WLS: variants seen among roughly 807,000 people sequenced by gnomAD.
The protein encoded by WLS is Wnt ligand secretion mediator.
A neutral mutation model predicts 62.8 loss-of-function variants in WLS; 23 were observed. The ratio of observed to expected loss-of-function variants is 0.37; its 90% CI spans 0.26 to 0.52. WLS has a LOEUF of 0.52. Among genes scored for constraint, WLS ranks in the 20% least tolerant of loss-of-function variants. WLS has a pLI of 0.92. For missense variants in WLS, 615 were observed against 697.3 expected (o/e 0.88, Z 1.33); for synonymous variants, 246 against 244.1 (o/e 1.01, Z -0.07).
At chr1:68,118,671 C>T (rs1199560351) in intron 11 of WLS, among the ~76,000 whole-genome samples, 2 of 151,426 alleles carry the variant, frequency 1.3e-5, no homozygotes, top group Admixed American at 6.6e-5. Context: ...GTCAGGAGTT[C>T]GAGACCAGCC....
intron 11 of WLS, among the ~76,000 whole-genome samples, chr1:68,103,594 T>C (rs1340916874): frequency 6.6e-6 from 1 of 152,174 alleles, no homozygotes; most frequent in African/African-American, 2.4e-5. Context: ...TCCATTTTAT[T>C]TTAAAATGGA....
chr1:68,223,688 T>C (rs1052282300), intron 1 of WLS, among the ~76,000 whole-genome samples: 4 of 152,248 alleles, frequency 2.6e-5, no homozygotes, highest in African/African-American at 9.6e-5. Context: ...TGATATTTTA[T>C]GCTTGTAGCA....
chr1:68,108,038 G>A (rs1646171604), intron 11 of WLS, among the ~76,000 whole-genome samples: 1 of 152,124 alleles, frequency 6.6e-6, no homozygotes, highest in South Asian at 2.1e-4. Flanking sequence ...GAATCAATAG[G>A]TCTTTTATTA....
chr1:68,162,592 T>C, intron 2 of WLS: 1 of 1,429,446 alleles, frequency 7.0e-7, no homozygotes, highest in Non-Finnish European at 9.9e-7. Context: ...CTCGCGGTTC[T>C]GCTCCATGCT....
intron 3 of WLS, among the ~76,000 whole-genome samples, chr1:68,158,900 C>T (rs955346618): frequency 6.6e-6 from 1 of 152,174 alleles, no homozygotes; most frequent in Non-Finnish European, 1.5e-5. Flanking sequence ...GCTTCAACCT[C>T]ATGTTTTTAC....
intron 2 of WLS, among the ~76,000 whole-genome samples, chr1:68,174,565 T>A (rs963149426): frequency 6.6e-6 from 1 of 152,176 alleles, no homozygotes; most frequent in Non-Finnish European, 1.5e-5. Flanking sequence ...CCATGACCCT[T>A]GGTGGAGCTG....
Position 68,126,470 on chromosome 1 carries a change from C to T in WLS, c.1517-135G>A, listed in dbSNP as rs1646433115. ...ACACAGAGACACCTAGGGCACACAA[C>T]ATTCAGAACAAGGACTAACTCCAAA... On this transcript the variant is annotated intron_variant, in intron 11 of 11. Transcript: ENST00000262348. The T allele has an allele frequency of 5.9e-6, 7 of 1,184,256 alleles. No homozygotes were observed. The Admixed American group carries it at 6.5e-5, about 11-fold the overall frequency. The allele number at this position is 1,184,256 out of a possible 1,614,324, so 73.4% of individuals were successfully genotyped here. A position where few individuals can be genotyped will look rare whatever the true frequency, so the allele number is the denominator to read the frequency against.
chr1:68,156,154 G>A (rs1646895868), intron 3 of WLS, among the ~76,000 whole-genome samples: 1 of 152,106 alleles, frequency 6.6e-6, no homozygotes, highest in Non-Finnish European at 1.5e-5. Flanking sequence ...GTAAAGATGA[G>A]CATAAAGAGG....
intron 11 of WLS, among the ~76,000 whole-genome samples, chr1:68,133,341 G>T (rs764280353): frequency 6.6e-6 from 1 of 152,152 alleles, no homozygotes; most frequent in African/African-American, 2.4e-5. Flanking sequence ...AGAATGTGGC[G>T]CCACACTCCC....
At chr1:68,177,711 C>G (rs530336686) in intron 2 of WLS, among the ~76,000 whole-genome samples, 13 of 152,230 alleles carry the variant, frequency 8.5e-5, no homozygotes, top group East Asian at 3.9e-4. Flanking sequence ...TCAGGCTGGT[C>G]TCGAACTCCT....
intron 1 of WLS, among the ~76,000 whole-genome samples, chr1:68,199,263 G>A (rs115902279): frequency 0.012 from 1,867 of 152,268 alleles, 26 homozygotes; most frequent in Non-Finnish European, 0.018. Flanking sequence ...AGACAGAGAC[G>A]AATGGCCTCC....
chr1:68,196,533 G>A (rs1648668416), intron 1 of WLS, among the ~76,000 whole-genome samples: 1 of 152,058 alleles, frequency 6.6e-6, no homozygotes, highest in African/African-American at 2.4e-5. Context: ...CGGGAAAAAT[G>A]TGTATTATTA....
At chr1:68,176,690 C>T (rs1204543552) in intron 2 of WLS, among the ~76,000 whole-genome samples, 1 of 152,208 alleles carries the variant, frequency 6.6e-6, no homozygotes, top group Non-Finnish European at 1.5e-5. Context: ...CCGTCCTTTG[C>T]ACATATGTTA....
At chr1:68,163,486 G>A (rs1476823731) in intron 2 of WLS, among the ~76,000 whole-genome samples, 1 of 150,788 alleles carries the variant, frequency 6.6e-6, no homozygotes, top group Non-Finnish European at 1.5e-5. Flanking sequence ...TCGCTCCTCC[G>A]GGCCGCTCCC....
intron 8 of WLS, among the ~76,000 whole-genome samples, chr1:68,147,646 C>T (rs964260377): frequency 4.6e-5 from 7 of 152,216 alleles, no homozygotes; most frequent in Admixed American, 6.5e-5. Context: ...GAAGCCTTGG[C>T]GACTTCTCTG....
chr1:68,179,362 C>T (rs1647417840), intron 2 of WLS, among the ~76,000 whole-genome samples: 2 of 152,080 alleles, frequency 1.3e-5, no homozygotes, highest in African/African-American at 4.8e-5. Context: ...CACTCCATAG[C>T]CCTGTCAATA....
At chr1:68,098,873 T>A in intron 11 of WLS, 2 of 1,406,002 alleles carry the variant, frequency 1.4e-6, no homozygotes, top group Non-Finnish European at 1.9e-6. Flanking sequence ...AAATTTCTAG[T>A]GGAGTGTTTG....
chr1:68,193,442 A>AC (rs1648475765), intron 2 of WLS, among the ~76,000 whole-genome samples: 40 of 101,664 alleles, frequency 3.9e-4, no homozygotes, highest in Middle Eastern at 5.8e-3. Flanking sequence ...AAAAAAAAAA[A>AC]CGAAAAAAAA....
At chr1:68,226,707 C>A (rs17130598) in intron 1 of WLS, among the ~76,000 whole-genome samples, 1 of 152,214 alleles carries the variant, frequency 6.6e-6, no homozygotes, top group East Asian at 1.9e-4. Flanking sequence ...CTTTACCAAC[C>A]CCGTGTCGGC....
Sources: allele counts gnomAD v4.1 joint callset (sites outside exome capture counted in the v4.1 genomes callset), GRCh38; gene constraint gnomAD v4.1.1; transcripts MANE v1.5; gene names NCBI Gene and HGNC (gene_info 2026-07-23, HGNC 2026-07-21).